BMP2K: variants seen among roughly 807,000 people sequenced by gnomAD.
The protein encoded by BMP2K is BMP-2-inducible protein kinase.
BMP2K carries 74 observed loss-of-function variants against 116.0 expected under a neutral mutation model. That is an observed-to-expected ratio of 0.64 (90% confidence interval 0.53 to 0.77). BMP2K has a LOEUF of 0.77. Among genes scored for constraint, BMP2K ranks in the 30% least tolerant of loss-of-function variants. BMP2K has a pLI of 0.00. For missense variants in BMP2K, 1,365 were observed against 1,403.6 expected (o/e 0.97, Z 0.44); for synonymous variants, 486 against 502.5 (o/e 0.97, Z 0.44).
At chr4:78,864,457 A>C (rs775440127) in intron 9 of BMP2K, among the ~76,000 whole-genome samples, 3 of 151,692 alleles carry the variant, frequency 2.0e-5, no homozygotes, top group Non-Finnish European at 4.4e-5. Flanking sequence ...CTATTAGTTA[A>C]ATTTTCATGT....
rs796471666 is a variant in BMP2K, at chr4:78,829,777, T to G, written c.297+3622T>G. Among the ~76,000 whole-genome samples, 5 of 96,540 alleles carry G rather than the reference T, an allele frequency of 5.2e-5. No individual in the cohort carries two copies. The Admixed American group carries it at 5.3e-4, about 10-fold the overall frequency. The allele number at this position is 96,540 out of a possible 152,430, so 63.3% of individuals were successfully genotyped here. ...AATCTTTTCTTTTCTTTTCTTTTCT[T>G]TTCTTTTCTTTTCTCTTCTCTTCTC... On this transcript the variant is annotated intron_variant, in intron 2 of 15. Transcript: ENST00000502613.
In BMP2K at chr4:78,805,357, C is replaced by A. The variant is rs146919257; in HGVS notation, c.179-20680C>A. ...AAACTGGGAAGTGTGAGTCCTCTAA[C>A]TTTGCTTTTTTTCAGGTTGTTTTGG... On this transcript the variant is annotated intron_variant, in intron 1 of 15. Coordinates refer to ENST00000502613, the MANE Select transcript of BMP2K (RefSeq NM_198892.2). Among the ~76,000 whole-genome samples, 548 of 152,236 alleles carry A rather than the reference C, an allele frequency of 3.6e-3. 7 individuals are homozygous for A. The highest frequency in any genetic ancestry group is 0.02 in the East Asian group (106 of 5,184).
rs1729853126 is a variant in BMP2K, at chr4:78,826,033, C to G, written c.179-4C>G. 4 of 1,601,292 alleles carry G rather than the reference C, an allele frequency of 2.5e-6. No individual in the cohort carries two copies. In the South Asian group the frequency reaches 4.5e-5, roughly 18 times the overall value. On this transcript the variant is annotated splice_region_variant and splice_polypyrimidine_tract_variant and intron_variant, in intron 1 of 15. Coordinates refer to ENST00000502613, the MANE Select transcript of BMP2K (RefSeq NM_198892.2). The stretch of plus-strand genomic sequence containing the variant: ...TTAAATTAATTGGTGCTTTGTTTTT[C>G]TAGGTGGATTCTCCACAGTTTTCCT...
intron 1 of BMP2K, among the ~76,000 whole-genome samples, chr4:78,786,402 C>T (rs978384639): frequency 3.9e-5 from 5 of 126,750 alleles, no homozygotes; most frequent in African/African-American, 7.3e-5. Flanking sequence ...TATAAGCCAC[C>T]CAATGTGTGT....
At chr4:78,815,801 G>C (rs1483943883) in intron 1 of BMP2K, among the ~76,000 whole-genome samples, 1 of 152,018 alleles carries the variant, frequency 6.6e-6, no homozygotes, top group East Asian at 1.9e-4. Flanking sequence ...GTTTTATATA[G>C]AATAATATAT....
At chr4:78,863,496 C>T (rs1024818855) in intron 9 of BMP2K, among the ~76,000 whole-genome samples, 1 of 152,062 alleles carries the variant, frequency 6.6e-6, no homozygotes, top group Non-Finnish European at 1.5e-5. Context: ...TTATCTGACA[C>T]ATGTCTTAAA....
intron 14 of BMP2K, among the ~76,000 whole-genome samples, chr4:78,880,155 C>T (rs62307961): frequency 0.058 from 8,822 of 152,296 alleles, 363 homozygotes; most frequent in East Asian, 0.22. Context: ...TCACCGCAAC[C>T]TCCGCCTCCT....
chr4:78,834,711 C>G (rs1181345131), intron 3 of BMP2K, among the ~76,000 whole-genome samples: 1 of 152,124 alleles, frequency 6.6e-6, no homozygotes, highest in East Asian at 1.9e-4. Context: ...ATCCCAGAAA[C>G]TCTTACAGTT....
rs1420204169 is a variant in BMP2K, at chr4:78,910,966, G to A, written c.2419G>A (p.Glu807Lys). 1.2e-5 allele frequency: 20 copies of A among 1,613,592 alleles called. No individual in the cohort carries two copies. Among genetic ancestry groups the A allele is most frequent in the South Asian group, 2.2e-5 (2 of 90,994 alleles). Residue 807 changes from glutamate (E) to lysine (K), a missense_variant, in exon 16 of 16, where the codon GAG (glutamate) becomes AAG (lysine). This residue lies in a region of BMP2K where 596 missense variants were observed against 623.2 expected (regional missense o/e 0.96). Coordinates refer to ENST00000502613, the MANE Select transcript of BMP2K (RefSeq NM_198892.2). ...EEKHSSDSDY[E>K]QAKAKYSDMS... ...GAAACATAGCTCTGATTCTGATTATGAGCAGGCTAAAGCAAAGTACAGTGA... is the reference window on the plus strand; with the variant it reads ...GAAACATAGCTCTGATTCTGATTATAAGCAGGCTAAAGCAAAGTACAGTGA...
chr4:78,825,176 C>T (rs748860739), intron 1 of BMP2K, among the ~76,000 whole-genome samples: 19 of 152,168 alleles, frequency 1.2e-4, no homozygotes, highest in Non-Finnish European at 2.5e-4. Context: ...TGTACTCCAG[C>T]CTGGGCAACA....
At chr4:78,789,437 C>T (rs1236696193) in intron 1 of BMP2K, among the ~76,000 whole-genome samples, 2 of 152,164 alleles carry the variant, frequency 1.3e-5, no homozygotes, top group African/African-American at 2.4e-5. Flanking sequence ...GTCATAGCTC[C>T]TGTATGTATG....
chr4:78,813,631 C>G (rs763325934), intron 1 of BMP2K, among the ~76,000 whole-genome samples: 2 of 152,116 alleles, frequency 1.3e-5, no homozygotes, highest in Non-Finnish European at 2.9e-5. Context: ...TTCTCTTTAC[C>G]TGGAATGTAC....
chr4:78,814,462 C>T (rs1729234561), intron 1 of BMP2K, among the ~76,000 whole-genome samples: 1 of 152,166 alleles, frequency 6.6e-6, no homozygotes, highest in African/African-American at 2.4e-5. Context: ...ATGGGAGGGA[C>T]CCGTTGGGAA....
intron 14 of BMP2K, among the ~76,000 whole-genome samples, chr4:78,882,248 G>A (rs1732907756): frequency 6.6e-6 from 1 of 151,706 alleles, no homozygotes. Context: ...TGATCTTTAA[G>A]AAAACAGTTG....
At chr4:78,777,040 G>C (rs1727284398) in intron 1 of BMP2K, among the ~76,000 whole-genome samples, 2 of 152,136 alleles carry the variant, frequency 1.3e-5, no homozygotes, top group African/African-American at 4.8e-5. Context: ...TCATTAGAGG[G>C]TCAGATCGAA....
intron 6 of BMP2K, 144 bp from the exon 7 acceptor site, chr4:78,850,780 A>G (rs1341033615): frequency 2.9e-6 from 2 of 685,260 alleles, no homozygotes; most frequent in East Asian, 3.3e-5. Flanking sequence ...AAAATTAAAT[A>G]TATTAATTTT....
At chr4:78,843,201 A>T (rs1348489890) in intron 4 of BMP2K, among the ~76,000 whole-genome samples, 4 of 151,864 alleles carry the variant, frequency 2.6e-5, no homozygotes, top group Admixed American at 2.6e-4. Context: ...ACTCTTCCTG[A>T]ATTGCTTTAT....
intron 3 of BMP2K, among the ~76,000 whole-genome samples, chr4:78,840,958 T>C (rs1405941933): frequency 6.6e-6 from 1 of 152,178 alleles, no homozygotes; most frequent in Admixed American, 6.6e-5. Flanking sequence ...GTTTAATTAT[T>C]CTTAAACTAG....
chr4:78,785,735 G>A (rs1578464263), intron 1 of BMP2K, among the ~76,000 whole-genome samples: 1 of 152,188 alleles, frequency 6.6e-6, no homozygotes, highest in African/African-American at 2.4e-5. Flanking sequence ...ATATGTGTGG[G>A]AAATTGGGTA....
Sources: gnomAD v4.1 joint callset for allele counts (sites outside exome capture counted in the v4.1 genomes callset) on GRCh38, gnomAD v4.1.1 for gene constraint, gnomAD v4.1.1 regional missense constraint, MANE v1.5 for transcripts, NCBI Gene and HGNC (gene_info 2026-07-23, HGNC 2026-07-21) for gene names.